Variants in ALOX5 observed in about 807,000 individuals in gnomAD.
ALOX5 encodes the protein polyunsaturated fatty acid 5-lipoxygenase.
Under a neutral mutation model 87.9 loss-of-function variants are expected in ALOX5, and 64 were observed. That is an observed-to-expected ratio of 0.73 (90% confidence interval 0.60 to 0.90). The LOEUF is 0.90. ALOX5 is among the 40% of genes least tolerant of loss of function. The probability of loss-of-function intolerance (pLI) is 0.00; values close to 1 mark genes in which losing one functional copy is unlikely to be tolerated. For missense variants in ALOX5, 822 were observed against 907.5 expected, an observed-to-expected ratio of 0.91 and a Z score of 1.21; for synonymous variants, 388 against 355.1, an observed-to-expected ratio of 1.09 and a Z score of -1.04.
At chr10:45,405,027 C>T (rs566006071) in intron 3 of ALOX5, among the ~76,000 whole-genome samples, 2 of 152,308 alleles carry the variant, frequency 1.3e-5, no homozygotes, top group South Asian at 2.1e-4. Flanking sequence ...TGGGAATGCA[C>T]CATAATTTAC....
intron 1 of ALOX5, among the ~76,000 whole-genome samples, chr10:45,377,398 C>T (rs1441147403): frequency 6.6e-6 from 1 of 151,418 alleles, no homozygotes; most frequent in African/African-American, 2.4e-5. Flanking sequence ...CCCCCCGTTT[C>T]TGCTCTCTAC....
chr10:45,440,609 G>A lies in ALOX5; in HGVS notation c.1161G>A (p.Leu387=). The A allele has an allele frequency of 6.2e-7, 1 of 1,614,164 alleles. No individual in the cohort carries two copies. Among genetic ancestry groups the A allele is most frequent in the Admixed American group, 1.7e-5 (1 of 60,028 alleles). ...EVFGIAMYRQ[L]PAVHPIFKLL... Reference sequence around the variant, plus strand: ...TTGGCATTGCAATGTACCGCCAGCTGCCTGCTGTGCACCCCATTTTCAAGG... The same window carrying A: ...TTGGCATTGCAATGTACCGCCAGCTACCTGCTGTGCACCCCATTTTCAAGG... Residue 387 remains leucine, a synonymous_variant, in exon 8 of 14, where the codon CTG becomes CTA. Transcript: ENST00000374391.
In ALOX5 at chr10:45,445,631, C is replaced by T; in HGVS notation, c.1969C>T (p.Gln657Ter). The T allele has an allele frequency of 6.2e-7, 1 of 1,614,094 alleles. No individual in the cohort carries two copies. ...SVIAERNKKK[Q>*]LPYYYLSPDR... ...GATTGCTGAGCGCAACAAGAAGAAG[C>T]AGCTGCCATATTACTACTTGTCCCC... The change falls in exon 14 of 14, where the codon CAG becomes TAG. Residue 657 changes from glutamine to a stop codon, truncating the protein, a stop_gained. Coordinates refer to ENST00000374391, the MANE Select transcript of ALOX5 (RefSeq NM_000698.5). LOFTEE classifies it high-confidence loss of function.
At chr10:45,395,693 G>A (rs185946436) in intron 2 of ALOX5, among the ~76,000 whole-genome samples, 162 bp from the exon 3 acceptor site, 2 of 152,256 alleles carry the variant, frequency 1.3e-5, no homozygotes, top group Admixed American at 1.3e-4. Context: ...CTAAGCCTCA[G>A]TTTCTTCATC....
intron 3 of ALOX5, among the ~76,000 whole-genome samples, chr10:45,398,907 C>T (rs1182462963): frequency 6.6e-6 from 1 of 152,154 alleles, no homozygotes; most frequent in Non-Finnish European, 1.5e-5. Flanking sequence ...TCTGCTAGCT[C>T]CTGACTGTTC....
chr10:45,416,244 G>T (rs953868955), intron 4 of ALOX5, among the ~76,000 whole-genome samples: 1 of 152,122 alleles, frequency 6.6e-6, no homozygotes, highest in South Asian at 2.1e-4. Context: ...GTCTCCAAGG[G>T]GTCAAGGTCA....
chr10:45,418,374 C>T, intron 4 of ALOX5, among the ~76,000 whole-genome samples: 1 of 152,160 alleles, frequency 6.6e-6, no homozygotes, highest in African/African-American at 2.4e-5. Flanking sequence ...GGCCCCAGCT[C>T]CTCCCCAGGG....
intron 2 of ALOX5, among the ~76,000 whole-genome samples, chr10:45,392,539 T>C (rs1204550293): frequency 1.3e-5 from 2 of 151,800 alleles, no homozygotes; most frequent in Non-Finnish European, 2.9e-5. Flanking sequence ...CACCACTCCC[T>C]AATCTCAAGT....
At chr10:45,394,655 A>G (rs1830427291) in intron 2 of ALOX5, among the ~76,000 whole-genome samples, 2 of 152,242 alleles carry the variant, frequency 1.3e-5, no homozygotes, top group South Asian at 4.1e-4. Context: ...AACTACCATC[A>G]GAGTGAACAG....
chr10:45,414,700 G>C (rs762595631), intron 4 of ALOX5, among the ~76,000 whole-genome samples: 2 of 152,170 alleles, frequency 1.3e-5, no homozygotes, highest in Non-Finnish European at 2.9e-5. Context: ...CTGACAAAAG[G>C]CTGATATCCA....
chr10:45,424,137 C>T lies in ALOX5; in HGVS notation c.651C>T (p.Asn217=). Reference sequence around the variant, plus strand: ...AGAAAATCTTTGTCAAGATCAGCAACACTATTTCTGGTGAGTGTGCCTCTG... The same window carrying T: ...AGAAAATCTTTGTCAAGATCAGCAATACTATTTCTGGTGAGTGTGCCTCTG... ...DFEKIFVKIS[N]TISERVMNHW... The change falls in exon 5 of 14, where the codon AAC becomes AAT. Residue 217 remains asparagine (N), a synonymous_variant. Transcript: ENST00000374391. 1.2e-6 allele frequency: 2 copies of T among 1,613,452 alleles called. No individual in the cohort carries two copies. The highest frequency in any genetic ancestry group is 1.7e-6 in the Non-Finnish European group (2 of 1,179,336).
Position 45,443,183 on chromosome 10 carries a change from A to T in ALOX5, c.1418A>T (p.Asp473Val), listed in dbSNP as rs1842296291. The change falls in exon 10 of 14, where the codon GAC (aspartate) becomes GTC (valine). Residue 473 changes from aspartate to valine, a missense_variant. Physicochemically the swap from Asp to Val is radical, Grantham distance 152 (BLOSUM62 -3). Coordinates refer to ENST00000374391, the MANE Select transcript of ALOX5 (RefSeq NM_000698.5). The part of the protein sequence containing the change: ...KEDIPYYFYR[D>V]DGLLVWEAIR... ...GACATCCCCTACTACTTCTACCGGG[A>T]CGACGGGCTCCTGGTGTGGGAAGCC... The T allele has an allele frequency of 1.9e-6, 3 of 1,613,650 alleles. No homozygotes were observed. The highest frequency in any genetic ancestry group is 2.5e-6 in the Non-Finnish European group (3 of 1,179,966).
intron 3 of ALOX5, among the ~76,000 whole-genome samples, chr10:45,407,625 C>T (rs1840931350): frequency 1.3e-5 from 2 of 152,106 alleles, no homozygotes; most frequent in Admixed American, 6.6e-5. Flanking sequence ...TTATTCATGC[C>T]TTTCTCTGGC....
chr10:45,407,060 G>A (rs1242595172), intron 3 of ALOX5, among the ~76,000 whole-genome samples: 1 of 152,152 alleles, frequency 6.6e-6, no homozygotes, highest in Non-Finnish European at 1.5e-5. Context: ...AGGTCCATGT[G>A]TAGTGTAAGA....
rs114613116 is a variant in ALOX5 at position 45,382,217 on chromosome 10, T to C, written c.151-266T>C. On this transcript the variant is annotated intron_variant, in intron 1 of 13. Coordinates refer to ENST00000374391, the MANE Select transcript of ALOX5 (RefSeq NM_000698.5). ...AAGATCTGTTTGTATGGATTTCCTT[T>C]GGCTTCAACTTCCCAACCTTGATGA... Among the ~76,000 whole-genome samples the C allele has an allele frequency of 5.9e-3, 905 of 152,358 alleles. 6 individuals are homozygous for C. The highest frequency in any genetic ancestry group is 0.02 in the African/African-American group (818 of 41,584).
chr10:45,391,445 A>G (rs2132703043), intron 2 of ALOX5, among the ~76,000 whole-genome samples: 1 of 151,446 alleles, frequency 6.6e-6, no homozygotes, highest in Non-Finnish European at 1.5e-5. Flanking sequence ...GCTCGCTACA[A>G]CCTCCACCTC....
chr10:45,387,063 C>T (rs911117416), intron 2 of ALOX5, among the ~76,000 whole-genome samples: 2 of 152,164 alleles, frequency 1.3e-5, no homozygotes, highest in Non-Finnish European at 2.9e-5. Context: ...GCGTGCCAGG[C>T]GCCGTGTGGA....
Position 45,420,818 on chromosome 10 carries a change from G to A in ALOX5, c.555-3223G>A, listed in dbSNP as rs116983255. On this transcript the variant is annotated intron_variant, in intron 4 of 13. Coordinates refer to ENST00000374391, the MANE Select transcript of ALOX5 (RefSeq NM_000698.5). ...CAGAAGGAAAGAGCAGGGAGACAGA[G>A]GTTAGGTGAACCTCAATGGCCTCAT... Among the ~76,000 whole-genome samples, 1,317 of 152,384 alleles carry A rather than the reference G, an allele frequency of 8.6e-3. 10 individuals carry two copies. Among genetic ancestry groups the A allele is most frequent in the Middle Eastern group, 0.017 (5 of 294 alleles).
chr10:45,404,291 C>T (rs990577697), intron 3 of ALOX5, among the ~76,000 whole-genome samples: 2 of 152,210 alleles, frequency 1.3e-5, no homozygotes, highest in Non-Finnish European at 2.9e-5. Flanking sequence ...ATTTCTCAGG[C>T]TTCCAGATCA....
Sources: gnomAD v4.1 joint callset for allele counts (sites outside exome capture counted in the v4.1 genomes callset) on GRCh38, gnomAD v4.1.1 for gene constraint, MANE v1.5 for transcripts, NCBI Gene and HGNC (gene_info 2026-07-23, HGNC 2026-07-21) for gene names.